LRIG1: variants seen among roughly 807,000 people sequenced by gnomAD.
LRIG1 encodes leucine rich repeats and immunoglobulin like domains 1, also known as leucine-rich repeats and immunoglobulin-like domains protein 1.
LRIG1 carries 48 observed loss-of-function variants against 99.2 expected under a neutral mutation model. The ratio of observed to expected loss-of-function variants is 0.48; its 90% CI spans 0.38 to 0.62. The LOEUF (loss-of-function observed/expected upper bound fraction) is 0.62. Ranked by LOEUF, LRIG1 falls within the 20% of genes least tolerant of loss-of-function variation. LRIG1 has a pLI of 0.00. For synonymous variants in LRIG1, 772 were observed against 596.1 expected, an observed-to-expected ratio of 1.29 and a Z score of -4.30; for missense variants, 1,646 against 1,434.4, an observed-to-expected ratio of 1.15 and a Z score of -2.38.
At chr3:66,491,574 A>G (rs1701102612) in intron 1 of LRIG1, among the ~76,000 whole-genome samples, 1 of 152,228 alleles carries the variant, frequency 6.6e-6, no homozygotes. Context: ...TTGGAAAAAC[A>G]CAGTTAAAAT....
intron 9 of LRIG1, chr3:66,401,503 G>A (rs941094735): frequency 1.4e-6 from 1 of 708,976 alleles, no homozygotes; most frequent in Non-Finnish European, 2.2e-6. Flanking sequence ...TTACAATGAG[G>A]GCAGGCTGTT....
intron 16 of LRIG1, 150 bp from the exon 17 acceptor site, chr3:66,381,781 T>C (rs754054896): frequency 2.5e-6 from 2 of 811,248 alleles, no homozygotes; most frequent in Non-Finnish European, 3.9e-6. Flanking sequence ...AGCAGCGTGT[T>C]TTCTGCTACT....
chr3:66,420,458 C>T (rs1702768174), intron 3 of LRIG1, among the ~76,000 whole-genome samples: 1 of 152,218 alleles, frequency 6.6e-6, no homozygotes, highest in Admixed American at 6.5e-5. Context: ...CACAATTCCA[C>T]TTCTGCATAT....
At chr3:66,449,949 T>G (rs1468028228) in intron 3 of LRIG1, among the ~76,000 whole-genome samples, 1 of 152,196 alleles carries the variant, frequency 6.6e-6, no homozygotes, top group Non-Finnish European at 1.5e-5. Context: ...TCTAACAAGC[T>G]CGAAGCTAAC....
chr3:66,388,325 C>G (rs1701481572), intron 12 of LRIG1, among the ~76,000 whole-genome samples: 1 of 150,396 alleles, frequency 6.6e-6, no homozygotes, highest in Non-Finnish European at 1.5e-5. Flanking sequence ...GTCTGAGAAA[C>G]AAAGAAAAAA....
chr3:66,387,338 T>TGC lies in LRIG1; in HGVS notation c.1469-1038_1469-1037insGC. On this transcript the variant is annotated intron_variant, in intron 12 of 18. Transcript: ENST00000273261. ...AGGAAAGACGTGAGGGGGTCCTCATTTGTCACCTGTGGCTGAGCATGACTG... is the reference window on the plus strand; with the variant it reads ...AGGAAAGACGTGAGGGGGTCCTCATTGCTGTCACCTGTGGCTGAGCATGACTG... 1.3e-5 allele frequency: 2 copies of TGC among 152,080 alleles called. 1 individual carries two copies. The allele number at this position is 152,080 out of a possible 1,614,324, so 9.4% of individuals were successfully genotyped here.
At chr3:66,417,895 G>C (rs553448990) in intron 3 of LRIG1, among the ~76,000 whole-genome samples, 17 of 151,892 alleles carry the variant, frequency 1.1e-4, no homozygotes, top group Non-Finnish European at 2.4e-4. Flanking sequence ...TGAACCTCCC[G>C]ACTCTACCAT....
chr3:66,424,286 C>T (rs1254185964), intron 3 of LRIG1, among the ~76,000 whole-genome samples: 1 of 152,058 alleles, frequency 6.6e-6, no homozygotes, highest in Non-Finnish European at 1.5e-5. Flanking sequence ...TGACCCAAGC[C>T]CACCAAACCC....
intron 3 of LRIG1, among the ~76,000 whole-genome samples, chr3:66,446,983 G>A (rs1703751901): frequency 6.6e-6 from 1 of 152,120 alleles, no homozygotes; most frequent in South Asian, 2.1e-4. Context: ...AAATGTTTTA[G>A]CATTCTGTAG....
chr3:66,382,452 G>A (rs986785273), intron 15 of LRIG1, 54 bp from the exon 16 acceptor site: 6 of 1,606,172 alleles, frequency 3.7e-6, no homozygotes, highest in Non-Finnish European at 4.3e-6. Flanking sequence ...AAGAAATGCA[G>A]ACACACGTTC....
At chr3:66,462,536 C>A (rs766152272) in intron 1 of LRIG1, 27 bp from the exon 2 acceptor site, 1 of 1,532,856 alleles carries the variant, frequency 6.5e-7, no homozygotes, top group Non-Finnish European at 9.0e-7. Flanking sequence ...GAGAAAAAAA[C>A]GGAATCAACA....
At position 66,495,565 on chromosome 3, in the gene LRIG1, GAAGA is replaced by G. The variant is rs528249469; in HGVS notation, c.218+4621_218+4624del. Among the ~76,000 whole-genome samples the G allele has an allele frequency of 1.0e-3, 153 of 152,336 alleles. 1 individual carries two copies. The South Asian group carries it at 0.011, about 11-fold the overall frequency. Reference sequence around the variant, plus strand: ...TTATGTTTTAAACAAACGAGGAAAAGAAGAAAGAAAGACTCTGATACAACCAACA... The same window carrying G: ...TTATGTTTTAAACAAACGAGGAAAAGAAGAAAGACTCTGATACAACCAACA... On this transcript the variant is annotated intron_variant, in intron 1 of 18. Coordinates refer to ENST00000273261, the MANE Select transcript of LRIG1 (RefSeq NM_015541.3).
At chr3:66,400,929 C>A (rs1702028009) in intron 9 of LRIG1, among the ~76,000 whole-genome samples, 1 of 152,056 alleles carries the variant, frequency 6.6e-6, no homozygotes. Context: ...GTCCGTGTGG[C>A]CAGCTTCCAG....
intron 3 of LRIG1, among the ~76,000 whole-genome samples, chr3:66,434,084 T>G (rs935562836): frequency 3.9e-5 from 6 of 152,338 alleles, no homozygotes; most frequent in Non-Finnish European, 1.5e-5. Flanking sequence ...AACTTAACAC[T>G]TATTAGGCTT....
rs140897908 is a variant in LRIG1 at position 66,422,052 on chromosome 3, T to G, written c.366-4786A>C. Among the ~76,000 whole-genome samples the G allele has an allele frequency of 4.9e-3, 741 of 152,330 alleles. 12 individuals are homozygous for G. Among genetic ancestry groups the G allele is most frequent in the African/African-American group, 0.013 (543 of 41,586 alleles). The stretch of plus-strand genomic sequence containing the variant: ...GGAGCAGCTGGAACACAGGACACCA[T>G]GTCTCTAGGCTGCACACAGCACAGG... On this transcript the variant is annotated intron_variant, in intron 3 of 18. Coordinates refer to ENST00000273261, the MANE Select transcript of LRIG1 (RefSeq NM_015541.3).
At position 66,431,305 on chromosome 3, in the gene LRIG1, G is replaced by A. The variant is rs201920432; in HGVS notation, c.366-14039C>T. ...TGGATTCAACCAGACTCCAGGGGCTGAGCAACTGTTTCTGGACAAGAAAAG... is the reference window on the plus strand; with the variant it reads ...TGGATTCAACCAGACTCCAGGGGCTAAGCAACTGTTTCTGGACAAGAAAAG... On this transcript the variant is annotated intron_variant, in intron 3 of 18. Coordinates refer to ENST00000273261, the MANE Select transcript of LRIG1 (RefSeq NM_015541.3). Among the ~76,000 whole-genome samples the A allele has an allele frequency of 3.9e-5, 6 of 152,348 alleles. No individual in the cohort carries two copies. In the East Asian group the frequency reaches 9.6e-4, roughly 24 times the overall value.
At chr3:66,470,680 A>T (rs1225377699) in intron 1 of LRIG1, among the ~76,000 whole-genome samples, 1 of 152,160 alleles carries the variant, frequency 6.6e-6, no homozygotes, top group East Asian at 1.9e-4. Flanking sequence ...TTTCCATAAG[A>T]ACAGAGTATC....
intron 4 of LRIG1, 144 bp downstream of exon 4, chr3:66,416,985 C>A (rs1454454438): frequency 2.8e-6 from 3 of 1,068,956 alleles, no homozygotes; most frequent in South Asian, 1.5e-5. Context: ...CAGGGAAGGT[C>A]TGAACCATCC....
chr3:66,407,330 C>T lies in LRIG1; in HGVS notation c.1079+18G>A, dbSNP rs1702305119. 8.7e-6 allele frequency: 14 copies of T among 1,613,958 alleles called. No individual in the cohort carries two copies. Among genetic ancestry groups the T allele is most frequent in the Non-Finnish European group, 9.3e-6 (11 of 1,179,972 alleles). On this transcript the variant is annotated intron_variant, in intron 8 of 18. Coordinates refer to ENST00000273261, the MANE Select transcript of LRIG1 (RefSeq NM_015541.3). The stretch of plus-strand genomic sequence containing the variant: ...CCCACTGGGGACCCCTTTATCCTGT[C>T]AGTAGTGGGAGACGTACAAGACTCG...
Sources: gnomAD v4.1 joint callset for allele counts (sites outside exome capture counted in the v4.1 genomes callset) on GRCh38, gnomAD v4.1.1 for gene constraint, MANE v1.5 for transcripts, NCBI Gene and HGNC (gene_info 2026-07-23, HGNC 2026-07-21) for gene names.